The following DLGAP2 variants were observed in gnomAD, a reference collection of about 807,000 sequenced individuals.
The protein encoded by DLGAP2 is disks large-associated protein 2.
A neutral mutation model predicts 100.3 loss-of-function variants in DLGAP2; 26 were observed. The ratio of observed to expected loss-of-function variants is 0.26; its 90% CI spans 0.19 to 0.36. The LOEUF (loss-of-function observed/expected upper bound fraction) is 0.36. Ranked by LOEUF, DLGAP2 falls within the 10% of genes least tolerant of loss-of-function variation. The pLI is 1.00. For missense variants in DLGAP2, 1,858 were observed against 1,453.2 expected, an observed-to-expected ratio of 1.28 and a Z score of -4.53; for synonymous variants, 886 against 630.1, an observed-to-expected ratio of 1.41 and a Z score of -6.08.
chr8:1,074,485 C>A (rs1330173620), intron 2 of DLGAP2, among the ~76,000 whole-genome samples: 1 of 152,210 alleles, frequency 6.6e-6, no homozygotes, highest in African/African-American at 2.4e-5. Flanking sequence ...TCATGTGGGA[C>A]AGAGGGAAGT....
intron 1 of DLGAP2, among the ~76,000 whole-genome samples, chr8:812,455 C>T (rs1796390405): frequency 6.6e-6 from 1 of 152,140 alleles, no homozygotes; most frequent in African/African-American, 2.4e-5. Context: ...CTCAGGAGTT[C>T]TTCCCAAGAG....
chr8:1,706,387 G>A lies in DLGAP2; in HGVS notation c.*4981G>A, dbSNP rs2130902920. ...GCTCCTGGGAACAGGTGGTGAAAGT[G>A]TGCGTTACTGCTAAGGATTAGTCCC... On this transcript the variant is annotated 3_prime_UTR_variant, in exon 15 of 15. Coordinates refer to ENST00000637795, the MANE Select transcript of DLGAP2 (RefSeq NM_001346810.2). The A allele has an allele frequency of 6.6e-6, 1 of 152,248 alleles. No homozygotes were observed. Among genetic ancestry groups the A allele is most frequent in the Non-Finnish European group, 1.5e-5 (1 of 68,044 alleles). The allele number at this position is 152,248 out of a possible 1,614,324, so 9.4% of individuals were successfully genotyped here.
At chr8:1,372,881 G>A (rs1365409807) in intron 3 of DLGAP2, among the ~76,000 whole-genome samples, 2 of 152,172 alleles carry the variant, frequency 1.3e-5, no homozygotes, top group Non-Finnish European at 2.9e-5. Flanking sequence ...ATTCTTCCTT[G>A]TGAAATCTTA....
chr8:1,002,729 T>C (rs1292726541), intron 2 of DLGAP2: 1 of 152,158 alleles, frequency 6.6e-6, no homozygotes, highest in African/African-American at 2.4e-5. Flanking sequence ...AACTGAGAAG[T>C]CGTGGATGAT....
chr8:1,701,506 C>T lies in DLGAP2; in HGVS notation c.*100C>T, dbSNP rs1158219425. The T allele has an allele frequency of 1.0e-5, 13 of 1,253,392 alleles. No individual in the cohort carries two copies. The highest frequency in any genetic ancestry group is 1.4e-5 in the Non-Finnish European group (13 of 923,816). 77.6% of individuals were successfully genotyped at this position (1,253,392 alleles called of 1,614,324 possible). On this transcript the variant is annotated 3_prime_UTR_variant, in exon 15 of 15. Transcript: ENST00000637795. ...GTTTCTGTCTCCTCCTCCCGCTGAACACGTCCTCGCTCCCGCGCTCCCCGC... is the reference window on the plus strand; with the variant it reads ...GTTTCTGTCTCCTCCTCCCGCTGAATACGTCCTCGCTCCCGCGCTCCCCGC...
At chr8:1,632,793 G>T (rs780431217) in intron 7 of DLGAP2, 34 bp from the exon 8 acceptor site, 7 of 1,562,792 alleles carry the variant, frequency 4.5e-6, no homozygotes, top group Non-Finnish European at 6.1e-6. Flanking sequence ...ACCCTGGAGG[G>T]CCGGGGCATC....
intron 2 of DLGAP2, among the ~76,000 whole-genome samples, chr8:1,171,044 C>G (rs1797117687): frequency 6.6e-6 from 1 of 151,970 alleles, no homozygotes; most frequent in African/African-American, 2.4e-5. Context: ...TCCCTCTACA[C>G]ACTGCTTTGA....
At position 1,506,146 on chromosome 8, in the gene DLGAP2, C is replaced by T. The variant is rs535442944; in HGVS notation, c.172+4715C>T. On this transcript the variant is annotated intron_variant, in intron 4 of 14. Transcript: ENST00000637795. ...AGCATAGCTTTAATCATCTCCACAG[C>T]ATTTAAGTGCACCAATGTCTCATTC... 2.4e-4 allele frequency among the ~76,000 whole-genome samples: 37 copies of T among 152,292 alleles called. 1 individual carries two copies. The highest frequency in any genetic ancestry group is 3.4e-3 in the Middle Eastern group (1 of 292).
chr8:927,639 T>G (rs1563099115), intron 2 of DLGAP2, among the ~76,000 whole-genome samples: 1 of 151,536 alleles, frequency 6.6e-6, no homozygotes. Context: ...CACCGTGGGG[T>G]AGGGTATGGG....
intron 3 of DLGAP2, among the ~76,000 whole-genome samples, chr8:1,309,051 G>A (rs1218204857): frequency 2.6e-5 from 4 of 152,132 alleles, no homozygotes; most frequent in African/African-American, 9.7e-5. Context: ...ACATTGTGGA[G>A]CCTGAGGAGC....
intron 2 of DLGAP2, among the ~76,000 whole-genome samples, chr8:1,094,614 G>C (rs1270004319): frequency 6.6e-6 from 1 of 152,194 alleles, no homozygotes; most frequent in Non-Finnish European, 1.5e-5. Context: ...GAATTCCTCG[G>C]CTCATCACAA....
chr8:1,542,372 G>A (rs1801391688), intron 4 of DLGAP2, among the ~76,000 whole-genome samples: 1 of 152,200 alleles, frequency 6.6e-6, no homozygotes, highest in South Asian at 2.1e-4. Context: ...ACCCCAAAAA[G>A]CAACCCTGTG....
At chr8:802,964 G>A (rs989391114) in intron 1 of DLGAP2, among the ~76,000 whole-genome samples, 1 of 152,180 alleles carries the variant, frequency 6.6e-6, no homozygotes, top group Non-Finnish European at 1.5e-5. Flanking sequence ...AAAAGAGGTA[G>A]AGAATGATTC....
chr8:1,373,247 G>T (rs1449111745), intron 3 of DLGAP2, among the ~76,000 whole-genome samples: 5 of 149,178 alleles, frequency 3.4e-5, no homozygotes, highest in Non-Finnish European at 5.9e-5. Context: ...CACGCCCCTC[G>T]GGGGGAGGCG....
At position 828,125 on chromosome 8, in the gene DLGAP2, C is replaced by T. The variant is rs1021747439; in HGVS notation, c.19-79787C>T. On this transcript the variant is annotated intron_variant, in intron 1 of 14. Transcript: ENST00000637795. Reference sequence around the variant, plus strand: ...AGATCACAGGACCACAGGACCGAAGCGAAATTAAAATTGCTAATGAAGTTT... The same window carrying T: ...AGATCACAGGACCACAGGACCGAAGTGAAATTAAAATTGCTAATGAAGTTT... 4.6e-5 allele frequency among the ~76,000 whole-genome samples: 7 copies of T among 152,232 alleles called. No individual in the cohort carries two copies. The East Asian group carries it at 5.8e-4, about 13-fold the overall frequency.
chr8:1,683,331 G>C (rs765002277), intron 12 of DLGAP2, among the ~76,000 whole-genome samples: 9 of 151,514 alleles, frequency 5.9e-5, no homozygotes, highest in Non-Finnish European at 3.0e-5. Context: ...TCCACGCAGA[G>C]GCAGAGAACT....
At chr8:792,711 C>T (rs1795940736) in intron 1 of DLGAP2, among the ~76,000 whole-genome samples, 1 of 152,174 alleles carries the variant, frequency 6.6e-6, no homozygotes, top group Admixed American at 6.6e-5. Flanking sequence ...TAGGTTTTAT[C>T]AAATGCTTAT....
At chr8:1,182,961 G>A (rs986616185) in intron 2 of DLGAP2, among the ~76,000 whole-genome samples, 8 of 152,182 alleles carry the variant, frequency 5.3e-5, no homozygotes, top group Non-Finnish European at 8.8e-5. Context: ...CCATGGAGCC[G>A]GTGGAAGGTA....
chr8:1,055,867 A>G (rs1802867336), intron 2 of DLGAP2, among the ~76,000 whole-genome samples: 1 of 152,228 alleles, frequency 6.6e-6, no homozygotes, highest in Non-Finnish European at 1.5e-5. Flanking sequence ...TGGGCACAAT[A>G]TTTAATCTCT....
Sources: gnomAD v4.1 joint callset for allele counts (sites outside exome capture counted in the v4.1 genomes callset) on GRCh38, gnomAD v4.1.1 for gene constraint, MANE v1.5 for transcripts, NCBI Gene and HGNC (gene_info 2026-07-23, HGNC 2026-07-21) for gene names.